DEFB110: variants seen among roughly 807,000 people sequenced by gnomAD.
The protein encoded by DEFB110 is beta-defensin 110.
A neutral mutation model predicts 2.5 loss-of-function variants in DEFB110; 4 were observed. The ratio of observed to expected loss-of-function variants is 1.60; its 90% CI spans 0.79 to 3.66. The LOEUF (loss-of-function observed/expected upper bound fraction) is 3.66. Among genes scored for constraint, DEFB110 ranks in the 30% most tolerant of loss-of-function variants. DEFB110 has a pLI of 0.01. For missense variants in DEFB110, 94 were observed against 75.4 expected (o/e 1.25, Z -0.91); for synonymous variants, 29 against 21.8 (o/e 1.33, Z -0.92).
At chr6:50,017,223 A>G (rs1324772027), downstream of DEFB110, among the ~76,000 whole-genome samples, 3 of 151,928 alleles carry the variant, frequency 2.0e-5, no homozygotes, top group Non-Finnish European at 4.4e-5. Context: ...TGGAGCCAGC[A>G]ATATATCACA....
downstream of DEFB110, among the ~76,000 whole-genome samples, chr6:50,014,360 G>A (rs547316862): frequency 2.6e-5 from 4 of 151,694 alleles, no homozygotes; most frequent in East Asian, 5.8e-4. Context: ...CAAGAAATTC[G>A]ATGAAGAAGA....
At chr6:50,018,706 G>T, downstream of DEFB110, 1 of 729,650 alleles carries the variant, frequency 1.4e-6, no homozygotes, top group African/African-American at 1.9e-5. Flanking sequence ...CATAAAAGTT[G>T]TGGAACTTGT....
intron 1 of DEFB110, among the ~76,000 whole-genome samples, chr6:50,011,403 AT>A (rs1279433767): frequency 6.6e-6 from 1 of 152,068 alleles, no homozygotes; most frequent in Middle Eastern, 3.4e-3. Context: ...CATGATAACT[AT>A]TTTTCATAAA....
rs1774364208 is a variant in DEFB110 at position 50,018,885 on chromosome 6, T to A, written c.*92A>T. 1 of 1,482,902 alleles carries A rather than the reference T, an allele frequency of 6.7e-7. No individual in the cohort carries two copies. The highest frequency in any genetic ancestry group is 2.4e-5 in the East Asian group (1 of 41,758). The allele number at this position is 1,482,902 out of a possible 1,614,324, so 91.9% of individuals were successfully genotyped here. On this transcript the variant is annotated 3_prime_UTR_variant, in exon 2 of 2. Coordinates refer to ENST00000371148, the MANE Select transcript of DEFB110 (RefSeq NM_001037497.2). ...ATTTTTATTTAGTTCTTGTGTATTA[T>A]AGAGACACACACGCCTTGAAGGATG... is the stretch of plus-strand genomic sequence containing the variant.
At chr6:50,018,249 T>G (rs562796274), downstream of DEFB110, among the ~76,000 whole-genome samples, 1 of 152,044 alleles carries the variant, frequency 6.6e-6, no homozygotes, top group African/African-American at 2.4e-5. Context: ...GACATAGTCA[T>G]CTCTCAGGAC....
chr6:50,014,015 T>G (rs1413684961), downstream of DEFB110, among the ~76,000 whole-genome samples: 1 of 151,684 alleles, frequency 6.6e-6, no homozygotes, highest in Non-Finnish European at 1.5e-5. Flanking sequence ...GAAAAAGACT[T>G]GATAGGAGAA....
chr6:50,018,838 A>G (rs773154707), downstream of DEFB110: 26 of 1,356,006 alleles, frequency 1.9e-5, no homozygotes, highest in Admixed American at 3.6e-5. Context: ...ACATATGATC[A>G]CTTCTGAATG....
chr6:50,014,888 T>C (rs996815523), downstream of DEFB110, among the ~76,000 whole-genome samples: 3 of 151,832 alleles, frequency 2.0e-5, no homozygotes, highest in Admixed American at 1.3e-4. Context: ...TCCCTCAATC[T>C]CTGCATTAGA....
chr6:50,014,578 C>T (rs139806550), downstream of DEFB110, among the ~76,000 whole-genome samples: 26 of 151,778 alleles, frequency 1.7e-4, no homozygotes, highest in African/African-American at 4.1e-4. Context: ...CAACAAATGA[C>T]GGGAAAAAGA....
intron 1 of DEFB110, among the ~76,000 whole-genome samples, chr6:50,010,452 G>T (rs1343941990): frequency 6.6e-6 from 1 of 151,442 alleles, no homozygotes; most frequent in Non-Finnish European, 1.5e-5. Context: ...CTTACTTATT[G>T]CCCTTAATGA....
At chr6:50,015,634 C>A (rs1262059287), downstream of DEFB110, among the ~76,000 whole-genome samples, 1 of 151,814 alleles carries the variant, frequency 6.6e-6, no homozygotes, top group Non-Finnish European at 1.5e-5. Context: ...TTCTCTAACA[C>A]TTATTGCCTT....
downstream of DEFB110, among the ~76,000 whole-genome samples, chr6:50,014,816 T>C (rs1449903774): frequency 6.6e-6 from 1 of 151,792 alleles, no homozygotes; most frequent in Non-Finnish European, 1.5e-5. Context: ...ACTGCATCTA[T>C]GTATTCTACC....
downstream of DEFB110, among the ~76,000 whole-genome samples, chr6:50,018,546 T>A (rs947872736): frequency 6.6e-6 from 1 of 151,914 alleles, no homozygotes; most frequent in Admixed American, 6.6e-5. Flanking sequence ...CCCAGTGGAT[T>A]TATATATTTA....
intron 1 of DEFB110, among the ~76,000 whole-genome samples, chr6:50,010,430 A>C (rs544197941): frequency 9.2e-5 from 14 of 151,720 alleles, no homozygotes; most frequent in Non-Finnish European, 1.9e-4. Flanking sequence ...ACTAGAGAAG[A>C]TCTCTAAAGC....
At chr6:50,021,830 A>T in intron 1 of DEFB110, 51 bp downstream of exon 1, 1 of 1,477,748 alleles carries the variant, frequency 6.8e-7, no homozygotes. Flanking sequence ...GAAACAACTT[A>T]TGTCTTCTCA....
At chr6:50,013,491 A>G (rs1446548877) in intron 1 of DEFB110, among the ~76,000 whole-genome samples, 2 of 151,842 alleles carry the variant, frequency 1.3e-5, no homozygotes, top group East Asian at 3.9e-4. Context: ...GGAGTTGAAT[A>G]TTATCATGAA....
rs145590218 is a variant in DEFB110, at chr6:50,019,360, C to T, written c.56-235G>A. On this transcript the variant is annotated intron_variant, in intron 1 of 1. Transcript: ENST00000371148. ...TGTCTTACAAGAAACTGGGCAGTGA[C>T]CCAAGGATGGTTCCCTAAATCAATG... 5.3e-4 allele frequency among the ~76,000 whole-genome samples: 80 copies of T among 152,186 alleles called. No individual in the cohort carries two copies. The East Asian group carries it at 0.015, about 29-fold the overall frequency.
At chr6:50,015,392 A>T (rs1024127594), downstream of DEFB110, among the ~76,000 whole-genome samples, 3 of 151,798 alleles carry the variant, frequency 2.0e-5, no homozygotes, top group South Asian at 6.2e-4. Flanking sequence ...GCTCCTAAAA[A>T]TCCCTGGGTA....
chr6:50,011,943 T>C (rs1329827970), intron 1 of DEFB110, among the ~76,000 whole-genome samples: 1 of 152,054 alleles, frequency 6.6e-6, no homozygotes, highest in East Asian at 1.9e-4. Context: ...CTGGATATTT[T>C]ATTTGTCATT....
Sources: gnomAD v4.1 joint callset for allele counts (sites outside exome capture counted in the v4.1 genomes callset) on GRCh38, gnomAD v4.1.1 for gene constraint, MANE v1.5 for transcripts, NCBI Gene and HGNC (gene_info 2026-07-23, HGNC 2026-07-21) for gene names.